Variants in PIAS2 observed in about 807,000 individuals in gnomAD.
PIAS2 encodes E3 SUMO-protein ligase PIAS2.
In PIAS2, 19 loss-of-function variants were observed where a neutral mutation model predicts 69.7. The ratio of observed to expected loss-of-function variants is 0.27; its 90% confidence interval spans 0.19 to 0.40. PIAS2 has a LOEUF of 0.40. Ranked by LOEUF, PIAS2 falls within the 10% of genes least tolerant of loss-of-function variation. PIAS2 has a pLI of 1.00. For synonymous variants in PIAS2, 261 were observed against 263.2 expected, an observed-to-expected ratio of 0.99 and a Z score of 0.08; for missense variants, 624 against 757.0, an observed-to-expected ratio of 0.82 and a Z score of 2.06.
intron 2 of PIAS2, among the ~76,000 whole-genome samples, chr18:46,885,678 C>T (rs982514755): frequency 7.3e-5 from 11 of 150,384 alleles, no homozygotes; most frequent in African/African-American, 1.7e-4. Flanking sequence ...AGCGAGACTC[C>T]GTCTCAAAAA....
intron 1 of PIAS2, chr18:46,915,490 C>T (rs1212967095): frequency 6.6e-6 from 1 of 152,056 alleles, no homozygotes; most frequent in Non-Finnish European, 1.5e-5. Context: ...CTCTGTTGGG[C>T]ACGTCATATG....
chr18:46,917,499 C>G lies in PIAS2; in HGVS notation c.-154G>C. ...GCGGCCGCCGCCGCTACAGCCGGGC[C>G]CGTCACGTGAACGGCGCGGGAGCTC... On this transcript the variant is annotated 5_prime_UTR_variant, in exon 1 of 14. Coordinates refer to ENST00000585916, the MANE Select transcript of PIAS2 (RefSeq NM_004671.5). The G allele has an allele frequency of 8.4e-7, 1 of 1,192,274 alleles. No individual in the cohort carries two copies. The highest frequency in any genetic ancestry group is 1.0e-6 in the Non-Finnish European group (1 of 959,148). 73.9% of individuals were successfully genotyped at this position (1,192,274 alleles called of 1,614,324 possible).
intron 2 of PIAS2, among the ~76,000 whole-genome samples, chr18:46,868,968 G>A (rs1225497027): frequency 6.6e-6 from 1 of 152,202 alleles, no homozygotes; most frequent in Non-Finnish European, 1.5e-5. Flanking sequence ...ATGGCAACCA[G>A]GTAACTCTGT....
chr18:46,868,807 T>G (rs2049886593), intron 2 of PIAS2, among the ~76,000 whole-genome samples: 1 of 152,178 alleles, frequency 6.6e-6, no homozygotes. Context: ...GCCTTTCTCA[T>G]CCAGGAAGAG....
intron 12 of PIAS2, 146 bp from the exon 13 acceptor site, chr18:46,815,495 G>C (rs2041415366): frequency 2.1e-6 from 3 of 1,439,010 alleles, no homozygotes; most frequent in Non-Finnish European, 2.7e-6. Context: ...CATGATCAGT[G>C]ATATTTGAAG....
intron 8 of PIAS2, among the ~76,000 whole-genome samples, chr18:46,839,933 C>A (rs914301861): frequency 6.6e-6 from 1 of 150,866 alleles, no homozygotes; most frequent in Non-Finnish European, 1.5e-5. Context: ...GAAGCCGAGG[C>A]GGGGGAATCA....
intron 1 of PIAS2, among the ~76,000 whole-genome samples, chr18:46,905,362 G>A (rs56142565): frequency 0.01 from 1,570 of 152,112 alleles, 13 homozygotes; most frequent in Non-Finnish European, 0.017. Flanking sequence ...GAGGCAATAC[G>A]CAGACATTTT....
intron 3 of PIAS2, among the ~76,000 whole-genome samples, chr18:46,857,718 A>C (rs1316435009): frequency 6.6e-6 from 1 of 152,240 alleles, no homozygotes; most frequent in Non-Finnish European, 1.5e-5. Flanking sequence ...AGGGAAATTA[A>C]CAAAAACTGG....
chr18:46,820,747 G>C (rs1180343962), intron 12 of PIAS2, among the ~76,000 whole-genome samples, 186 bp downstream of exon 12: 3 of 152,072 alleles, frequency 2.0e-5, no homozygotes, highest in Non-Finnish European at 4.4e-5. Context: ...GGAATCTATA[G>C]ATTGCTCTGT....
chr18:46,896,416 C>T (rs980737792), intron 1 of PIAS2, among the ~76,000 whole-genome samples: 1 of 152,182 alleles, frequency 6.6e-6, no homozygotes, highest in African/African-American at 2.4e-5. Context: ...CCTCCCTCCA[C>T]ATCCAAAAAC....
chr18:46,815,335 A>C lies in PIAS2; in HGVS notation c.1663T>G (p.Ser555Ala). The C allele has an allele frequency of 6.2e-7, 1 of 1,612,308 alleles. No homozygotes were observed. Among genetic ancestry groups the C allele is most frequent in the Non-Finnish European group, 8.5e-7 (1 of 1,178,762 alleles). The change falls in exon 13 of 14, where the codon TCC becomes GCC. Residue 555 changes from serine (S) to alanine (A), a missense_variant. Physicochemically the swap from Ser to Ala is moderately conservative, Grantham distance 99. This residue lies in a region of PIAS2 where 241 missense variants were observed against 257.3 expected (regional missense o/e 0.94). Coordinates refer to ENST00000585916, the MANE Select transcript of PIAS2 (RefSeq NM_004671.5). ...ACCTGGGGATCAACTGGAATAAGGG[A>C]AAGAAAATCCAAACCTAAAACAAAA... ...SSDLPGLDFL[S>A]LIPVDPQYCP...
chr18:46,822,296 GAATA>G (rs2042260883), intron 11 of PIAS2, among the ~76,000 whole-genome samples: 1 of 152,094 alleles, frequency 6.6e-6, no homozygotes, highest in Non-Finnish European at 1.5e-5. Context: ...TCAGAAAAGT[GAATA>G]AATAACACAG....
chr18:46,861,852 G>A (rs999925673), intron 3 of PIAS2, among the ~76,000 whole-genome samples: 2 of 152,152 alleles, frequency 1.3e-5, no homozygotes, highest in South Asian at 2.1e-4. Flanking sequence ...AACAGAAGAC[G>A]TTTATTGACC....
At chr18:46,856,218 GTCTTGATC>G (rs1038885296) in intron 3 of PIAS2, among the ~76,000 whole-genome samples, 3 of 151,772 alleles carry the variant, frequency 2.0e-5, no homozygotes, top group Non-Finnish European at 2.9e-5. Flanking sequence ...AGCCAGGATG[GTCTTGATC>G]TCCTGACCTC....
At chr18:46,892,181 T>C (rs1327744616) in intron 1 of PIAS2, among the ~76,000 whole-genome samples, 3 of 152,114 alleles carry the variant, frequency 2.0e-5, no homozygotes, top group Non-Finnish European at 4.4e-5. Flanking sequence ...TCTGTACTTT[T>C]TAAGTCTCAG....
chr18:46,888,543 C>T (rs1598852452), intron 2 of PIAS2, among the ~76,000 whole-genome samples: 1 of 152,074 alleles, frequency 6.6e-6, no homozygotes, highest in Admixed American at 6.6e-5. Flanking sequence ...TAAAGACAGA[C>T]ATCTAGACCA....
intron 1 of PIAS2, among the ~76,000 whole-genome samples, chr18:46,895,595 C>T (rs1221687142): frequency 3.3e-5 from 5 of 152,094 alleles, no homozygotes; most frequent in South Asian, 2.1e-4. Context: ...TGCTTGAACC[C>T]GGGAAGTGGT....
chr18:46,828,775 T>G (rs187237635), intron 10 of PIAS2, among the ~76,000 whole-genome samples: 1 of 152,344 alleles, frequency 6.6e-6, no homozygotes, highest in African/African-American at 2.4e-5. Context: ...CAGTCTCACA[T>G]ACCATATTTG....
chr18:46,820,177 A>G (rs889505982), intron 12 of PIAS2, among the ~76,000 whole-genome samples: 1 of 152,112 alleles, frequency 6.6e-6, no homozygotes, highest in Admixed American at 6.6e-5. Context: ...TAACAGATTA[A>G]CTATCTCAGT....
Sources: gnomAD v4.1 joint callset for allele counts (sites outside exome capture counted in the v4.1 genomes callset) on GRCh38, gnomAD v4.1.1 for gene constraint, gnomAD v4.1.1 regional missense constraint, MANE v1.5 for transcripts, NCBI Gene and HGNC (gene_info 2026-07-23, HGNC 2026-07-21) for gene names.